Variants in PIK3R1 observed in about 807,000 individuals in gnomAD.
PIK3R1 encodes phosphatidylinositol 3-kinase regulatory subunit alpha.
A neutral mutation model predicts 98.0 loss-of-function variants in PIK3R1; 29 were observed. That is an observed-to-expected ratio of 0.30 (90% CI 0.22 to 0.40). PIK3R1 has a LOEUF of 0.40. Among genes scored for constraint, PIK3R1 ranks in the 10% least tolerant of loss-of-function variants. The pLI, the probability that PIK3R1 is intolerant of heterozygous loss-of-function variation, is 1.00. For synonymous variants in PIK3R1, 282 were observed against 311.8 expected (o/e 0.90, Z 1.01); for missense variants, 596 against 872.7 (o/e 0.68, Z 3.99).
chr5:68,240,312 T>C (rs1744826435), intron 2 of PIK3R1, among the ~76,000 whole-genome samples: 1 of 152,228 alleles, frequency 6.6e-6, no homozygotes, highest in Non-Finnish European at 1.5e-5. Flanking sequence ...TTCACTAGCC[T>C]TCATTGTTTG....
At chr5:68,275,531 A>G (rs1746535550) in intron 4 of PIK3R1, among the ~76,000 whole-genome samples, 1 of 152,124 alleles carries the variant, frequency 6.6e-6, no homozygotes, top group Non-Finnish European at 1.5e-5. Context: ...AAAAAAAAAA[A>G]AAAACTCTTC....
At chr5:68,288,409 C>CG in intron 7 of PIK3R1, 1 of 1,200,290 alleles carries the variant, frequency 8.3e-7, no homozygotes, top group Non-Finnish European at 1.0e-6. Context: ...GGGCTCCTTT[C>CG]CTCCCCGATA....
intron 2 of PIK3R1, among the ~76,000 whole-genome samples, chr5:68,238,289 G>T (rs1744740355): frequency 6.6e-6 from 1 of 152,188 alleles, no homozygotes; most frequent in Non-Finnish European, 1.5e-5. Flanking sequence ...CAGTCACCAG[G>T]CATGGGTAGG....
chr5:68,247,577 CTT>C (rs1372456953), intron 2 of PIK3R1, among the ~76,000 whole-genome samples: 2 of 140,632 alleles, frequency 1.4e-5, no homozygotes. Context: ...TGCACGTGGC[CTT>C]TTTTTTTTTT....
At position 68,290,859 on chromosome 5, in the gene PIK3R1, GAGTT is replaced by G. The variant is rs776030345; in HGVS notation, c.917-1394_917-1391del. ...GGTAATACTGCAGTATTATTGTAGA[GAGTT>G]AGTTAATTTCGTGGCTTTTTAATTT... On this transcript the variant is annotated intron_variant, in intron 7 of 15. Transcript: ENST00000521381. The G allele has an allele frequency of 1.6e-5, 24 of 1,491,824 alleles. No homozygotes were observed. In the East Asian group the frequency reaches 3.4e-4, roughly 21 times the overall value. The allele number at this position is 1,491,824 out of a possible 1,614,324, so 92.4% of individuals were successfully genotyped here.
In PIK3R1 at chr5:68,275,316, A is replaced by C. The variant is rs149377622; in HGVS notation, c.502+1303A>C. On this transcript the variant is annotated intron_variant, in intron 4 of 15. Transcript: ENST00000521381. ...GTTTTTCGGTGTTTCTGACAGCTTT[A>C]TCAGGGCTTTAAGGAAACGCTGAAT... Among the ~76,000 whole-genome samples, 368 of 152,284 alleles carry C rather than the reference A, an allele frequency of 2.4e-3. 2 individuals carry two copies. The highest frequency in any genetic ancestry group is 0.01 in the Middle Eastern group (3 of 294).
intron 1 of PIK3R1, among the ~76,000 whole-genome samples, chr5:68,216,452 G>A (rs1743886771): frequency 6.6e-6 from 1 of 152,134 alleles, no homozygotes; most frequent in Non-Finnish European, 1.5e-5. Context: ...TCCCGGGGCG[G>A]GCGAGGCGGC....
intron 2 of PIK3R1, among the ~76,000 whole-genome samples, chr5:68,242,608 C>A (rs1374956920): frequency 6.6e-6 from 1 of 152,158 alleles, no homozygotes; most frequent in Non-Finnish European, 1.5e-5. Context: ...TTCTACCCGT[C>A]TAAGGAGTTA....
rs746719882 is a variant in PIK3R1 at position 68,280,594 on chromosome 5, A to G, written c.701A>G (p.His234Arg). ...KKLIRSPSIP[H>R]QYWLTLQYLL... ...CTTATTAGGTCGCCTAGCATACCTC[A>G]TCAGTATTGGCTTACGCTTCAGTAT... is the stretch of plus-strand genomic sequence containing the variant. Residue 234 changes from histidine to arginine, a missense_variant, in exon 6 of 16, where the codon CAT becomes CGT. Physicochemically the swap from His to Arg is conservative, Grantham distance 29. Coordinates refer to ENST00000521381, the MANE Select transcript of PIK3R1 (RefSeq NM_181523.3). 8 of 1,613,162 alleles carry G rather than the reference A, an allele frequency of 5.0e-6. No homozygotes were observed. The highest frequency in any genetic ancestry group is 3.3e-5 in the South Asian group (3 of 91,064).
intron 2 of PIK3R1, among the ~76,000 whole-genome samples, chr5:68,247,121 T>C (rs1037505878): frequency 2.6e-5 from 4 of 152,170 alleles, no homozygotes; most frequent in East Asian, 3.9e-4. Flanking sequence ...CTTGGAAATA[T>C]GTGATTTGAT....
At chr5:68,231,504 T>C (rs1023058988) in intron 2 of PIK3R1, among the ~76,000 whole-genome samples, 1 of 152,240 alleles carries the variant, frequency 6.6e-6, no homozygotes, top group Non-Finnish European at 1.5e-5. Context: ...GTTAAATTTT[T>C]CACATTCAGC....
intron 1 of PIK3R1, among the ~76,000 whole-genome samples, chr5:68,223,607 C>G (rs1744174638): frequency 6.6e-6 from 1 of 152,174 alleles, no homozygotes; most frequent in Non-Finnish European, 1.5e-5. Context: ...CAGGGTTCTT[C>G]TTACCCACAA....
intron 7 of PIK3R1, among the ~76,000 whole-genome samples, chr5:68,285,447 G>A (rs1747039149): frequency 6.6e-6 from 1 of 152,212 alleles, no homozygotes; most frequent in Admixed American, 6.5e-5. Context: ...TTAAAATGTG[G>A]TCTGACATTA....
Position 68,297,474 on chromosome 5 carries a change from A to G in PIK3R1, c.2048A>G (p.Glu683Gly), listed in dbSNP as rs2112291173. The change falls in exon 16 of 16, where the codon GAG becomes GGG. Residue 683 changes from glutamate (E) to glycine (G), a missense_variant. Glu to Gly is a moderately conservative substitution (Grantham distance 98). This residue lies in a region of PIK3R1 where 207 missense variants were observed against 361.4 expected (regional missense o/e 0.57). Transcript: ENST00000521381. The stretch of plus-strand genomic sequence containing the variant: ...ACAGCAACTGGCTATGGCTTTGCCG[A>G]GCCCTATAACTTGTACAGCTCTCTG... ...NKTATGYGFA[E>G]PYNLYSSLKE... 6.2e-7 allele frequency: 1 copy of G among 1,614,238 alleles called. No individual in the cohort carries two copies. Among genetic ancestry groups the G allele is most frequent in the Non-Finnish European group, 8.5e-7 (1 of 1,180,018 alleles).
At chr5:68,247,185 T>C (rs1344897602) in intron 2 of PIK3R1, among the ~76,000 whole-genome samples, 2 of 152,254 alleles carry the variant, frequency 1.3e-5, no homozygotes, top group Non-Finnish European at 2.9e-5. Context: ...TAAGTCATAA[T>C]AGTTTTTTGA....
At chr5:68,262,796 C>CATGTAGATGCATGTAGATGCAT (rs150097762) in intron 2 of PIK3R1, among the ~76,000 whole-genome samples, 4 of 18,522 alleles carry the variant, frequency 2.2e-4, no homozygotes, top group African/African-American at 1.0e-3. Context: ...TACATGTATA[C>CATGTAGATGCATGTAGATGCAT]GTAGATACAT....
chr5:68,246,749 G>A (rs1580197128), intron 2 of PIK3R1, among the ~76,000 whole-genome samples: 1 of 152,290 alleles, frequency 6.6e-6, no homozygotes, highest in Non-Finnish European at 1.5e-5. Flanking sequence ...TCAGCCTCCC[G>A]AGTAGCTGGG....
In PIK3R1 at chr5:68,244,522, C is replaced by CCCT. The variant is rs1745002391; in HGVS notation, c.334+17513_334+17514insCCT. Among the ~76,000 whole-genome samples, 6 of 32,216 alleles carry CCCT rather than the reference C, an allele frequency of 1.9e-4. 3 individuals carry two copies. The highest frequency in any genetic ancestry group is 3.8e-4 in the Non-Finnish European group (6 of 15,628). The allele number at this position is 32,216 out of a possible 152,430, so 21.1% of individuals were successfully genotyped here. A position where few individuals can be genotyped will look rare whatever the true frequency, so the allele number is the denominator to read the frequency against. On this transcript the variant is annotated intron_variant, in intron 2 of 15. Transcript: ENST00000521381. ...GCCTATTTCTCTAGGACCGCCCCCC[C>CCCT]GCCCCCCGCCGCCGCTTCAGAGAGC...
At chr5:68,288,748 C>T in intron 7 of PIK3R1, 1 of 1,613,656 alleles carries the variant, frequency 6.2e-7, no homozygotes, top group Non-Finnish European at 8.5e-7. Flanking sequence ...GCATAACCTG[C>T]AAAGTAAGTT....
Sources: allele counts gnomAD v4.1 joint callset (sites outside exome capture counted in the v4.1 genomes callset), GRCh38; gene constraint gnomAD v4.1.1; regional missense constraint gnomAD v4.1.1; transcripts MANE v1.5; gene names NCBI Gene and HGNC (gene_info 2026-07-23, HGNC 2026-07-21).